The following NEK10 variants were observed in gnomAD, a reference collection of about 807,000 sequenced individuals.
NEK10 encodes the protein NIMA related kinase 10, also known as serine/threonine-protein kinase Nek10.
In NEK10, 122 loss-of-function variants were observed where a neutral mutation model predicts 159.8. The observed-to-expected ratio is 0.76, with a 90% CI of 0.66 to 0.89. The LOEUF (loss-of-function observed/expected upper bound fraction) is 0.89, where lower values mean the gene tolerates loss of function less well. Ranked by LOEUF, NEK10 falls within the 40% of genes least tolerant of loss-of-function variation. The pLI, the probability that NEK10 is intolerant of heterozygous loss-of-function variation, is 0.00. For missense variants in NEK10, 1,342 were observed against 1,323.1 expected, an observed-to-expected ratio of 1.01 and a Z score of -0.22; for synonymous variants, 466 against 457.1, an observed-to-expected ratio of 1.02 and a Z score of -0.25.
At chr3:27,169,690 G>A (rs1168683235) in intron 29 of NEK10, among the ~76,000 whole-genome samples, 8 of 152,190 alleles carry the variant, frequency 5.3e-5, no homozygotes, top group Non-Finnish European at 1.5e-5. Context: ...AATTTGCTGA[G>A]CAGGTTCTTC....
At chr3:27,223,406 A>C (rs879840040) in intron 23 of NEK10, among the ~76,000 whole-genome samples, 1 of 152,066 alleles carries the variant, frequency 6.6e-6, no homozygotes, top group Non-Finnish European at 1.5e-5. Context: ...ACTCCCCTGA[A>C]ACCTCTCTGG....
chr3:27,327,081 G>A (rs1277370956), intron 5 of NEK10, among the ~76,000 whole-genome samples: 1 of 152,144 alleles, frequency 6.6e-6, no homozygotes, highest in Non-Finnish European at 1.5e-5. Context: ...CAGCAATTGT[G>A]GCCTGGAGGA....
At chr3:27,190,735 C>T (rs1266750220) in intron 26 of NEK10, among the ~76,000 whole-genome samples, 1 of 152,122 alleles carries the variant, frequency 6.6e-6, no homozygotes, top group Non-Finnish European at 1.5e-5. Flanking sequence ...ATAGAAATAG[C>T]TAAATCTCTT....
chr3:27,189,151 A>AG, intron 26 of NEK10, among the ~76,000 whole-genome samples: 1 of 152,236 alleles, frequency 6.6e-6, no homozygotes, highest in East Asian at 1.9e-4. Flanking sequence ...ATTCTTCAAA[A>AG]GGAAAGGTTT....
At chr3:27,191,995 T>C (rs1182706239) in intron 26 of NEK10, 34 bp downstream of exon 26, 2 of 1,577,630 alleles carry the variant, frequency 1.3e-6, no homozygotes, top group Non-Finnish European at 8.7e-7. Flanking sequence ...CCCATTAGAG[T>C]GCATCATGAA....
At chr3:27,165,111 G>A (rs1278780071) in intron 29 of NEK10, among the ~76,000 whole-genome samples, 1 of 152,008 alleles carries the variant, frequency 6.6e-6, no homozygotes, top group Non-Finnish European at 1.5e-5. Flanking sequence ...AAATGCCCAC[G>A]ATGTGTAGCC....
At chr3:27,226,883 C>T (rs560273452) in intron 23 of NEK10, among the ~76,000 whole-genome samples, 83 of 152,256 alleles carry the variant, frequency 5.5e-4, no homozygotes, top group African/African-American at 2.0e-3. Flanking sequence ...CAGGTTATTT[C>T]CCCTCCTGTA....
intron 29 of NEK10, among the ~76,000 whole-genome samples, chr3:27,170,830 A>T (rs2005157): frequency 0.05 from 7,551 of 152,176 alleles, 227 homozygotes; most frequent in Non-Finnish European, 0.06. Context: ...CTTTCTCCAG[A>T]CACAAAGAAG....
chr3:27,190,610 C>T (rs1339582928), intron 26 of NEK10, among the ~76,000 whole-genome samples: 1 of 152,072 alleles, frequency 6.6e-6, no homozygotes, highest in Admixed American at 6.6e-5. Context: ...CACTCAGCCC[C>T]AAATCAGCCA....
chr3:27,319,334 C>T (rs540748958), intron 6 of NEK10, among the ~76,000 whole-genome samples: 1 of 152,328 alleles, frequency 6.6e-6, no homozygotes, highest in East Asian at 1.9e-4. Flanking sequence ...AATGGCTTCT[C>T]TGTCATTCCT....
At chr3:27,169,098 A>G (rs1156361541) in intron 29 of NEK10, among the ~76,000 whole-genome samples, 1 of 152,218 alleles carries the variant, frequency 6.6e-6, no homozygotes, top group Non-Finnish European at 1.5e-5. Context: ...AAAAAATAGT[A>G]GAATTATTTT....
chr3:27,176,709 G>A (rs1267057489), intron 26 of NEK10, among the ~76,000 whole-genome samples: 1 of 152,068 alleles, frequency 6.6e-6, no homozygotes, highest in African/African-American at 2.4e-5. Context: ...TCCTTCTTAT[G>A]ACCTTTTTTA....
chr3:27,131,017 C>T (rs188486226), intron 32 of NEK10, among the ~76,000 whole-genome samples: 1 of 152,256 alleles, frequency 6.6e-6, no homozygotes, highest in East Asian at 1.9e-4. Flanking sequence ...ATGTTGTTTG[C>T]ATTTCTTATC....
intron 1 of NEK10, among the ~76,000 whole-genome samples, chr3:27,361,381 T>G (rs1277075408): frequency 6.6e-6 from 1 of 152,154 alleles, no homozygotes; most frequent in Non-Finnish European, 1.5e-5. Context: ...AGCAGCAATA[T>G]TGAAAAGAGG....
chr3:27,289,501 T>C (rs1193377422), intron 19 of NEK10, among the ~76,000 whole-genome samples: 1 of 152,208 alleles, frequency 6.6e-6, no homozygotes, highest in Non-Finnish European at 1.5e-5. Context: ...TTTCTTTTCT[T>C]AGGAAATGTG....
chr3:27,323,778 C>A (rs1011428128), intron 5 of NEK10, among the ~76,000 whole-genome samples: 2 of 152,144 alleles, frequency 1.3e-5, no homozygotes, highest in African/African-American at 2.4e-5. Context: ...GTTTCTTTAG[C>A]AAAGAATGAT....
intron 33 of NEK10, among the ~76,000 whole-genome samples, chr3:27,116,356 T>C (rs1025966488): frequency 5.9e-5 from 9 of 152,114 alleles, no homozygotes; most frequent in African/African-American, 2.2e-4. Context: ...AAATGATATA[T>C]GAAGATTAAG....
At chr3:27,163,280 G>A (rs1237477851) in intron 29 of NEK10, among the ~76,000 whole-genome samples, 1 of 151,946 alleles carries the variant, frequency 6.6e-6, no homozygotes, top group African/African-American at 2.4e-5. Context: ...CTCTGTGGAG[G>A]TGGCCTTAGA....
intron 3 of NEK10, among the ~76,000 whole-genome samples, chr3:27,351,926 T>C (rs2047997819): frequency 6.6e-6 from 1 of 151,958 alleles, no homozygotes; most frequent in Non-Finnish European, 1.5e-5. Flanking sequence ...AGTTTGGAGA[T>C]AAATTCAAGC....
Sources: gnomAD v4.1 joint callset for allele counts (sites outside exome capture counted in the v4.1 genomes callset) on GRCh38, gnomAD v4.1.1 for gene constraint, MANE v1.5 for transcripts, NCBI Gene and HGNC (gene_info 2026-07-23, HGNC 2026-07-21) for gene names.